IMPA2: variants seen among roughly 807,000 people sequenced by gnomAD.
The protein encoded by IMPA2 is inositol monophosphatase 2.
IMPA2 carries 32 observed loss-of-function variants against 35.1 expected under a neutral mutation model. The observed-to-expected ratio is 0.91, with a 90% CI of 0.69 to 1.23. The LOEUF is 1.23. Ranked by LOEUF, IMPA2 falls within the 50% of genes most tolerant of loss-of-function variation. The pLI, the probability that IMPA2 is intolerant of heterozygous loss-of-function variation, is 0.00. For synonymous variants in IMPA2, 135 were observed against 160.6 expected (o/e 0.84, Z 1.20); for missense variants, 334 against 387.6 (o/e 0.86, Z 1.16).
intron 7 of IMPA2, among the ~76,000 whole-genome samples, 160 bp from the exon 8 acceptor site, chr18:12,030,183 G>A (rs1351111292): frequency 2.0e-5 from 3 of 152,218 alleles, no homozygotes; most frequent in Non-Finnish European, 2.9e-5. Context: ...ATTCTTTGCC[G>A]AATTCACTCC....
intron 2 of IMPA2, among the ~76,000 whole-genome samples, chr18:12,003,901 T>C (rs1348865061): frequency 3.3e-5 from 5 of 152,246 alleles, no homozygotes; most frequent in African/African-American, 1.2e-4. Context: ...TTGTCCCTTC[T>C]GTGGAGCAGC....
At chr18:12,028,575 G>C (rs151104791) in intron 6 of IMPA2, 10 of 509,810 alleles carry the variant, frequency 2.0e-5, no homozygotes, top group Non-Finnish European at 3.5e-5. Flanking sequence ...AGTAGAGGAG[G>C]ATTCAATTCT....
At position 11,991,192 on chromosome 18, in the gene IMPA2, G is replaced by C. The variant is rs1177797290; in HGVS notation, c.97-7862G>C. Among the ~76,000 whole-genome samples the C allele has an allele frequency of 6.6e-6, 1 of 152,216 alleles. No individual in the cohort carries two copies. Among genetic ancestry groups the C allele is most frequent in the Non-Finnish European group, 1.5e-5 (1 of 68,042 alleles). On this transcript the variant is annotated intron_variant, in intron 1 of 7. Transcript: ENST00000269159. The surrounding 1 kb of genome is among the most constrained non-coding windows in gnomAD (Gnocchi z 4.1). ...CAGGGGCCACAGGCCACGGGCCCTG[G>C]AACACAGGGAATGCAGCTGGGATGT... is the stretch of plus-strand genomic sequence containing the variant.
At chr18:12,028,183 G>C in intron 6 of IMPA2, 32 bp downstream of exon 6, 2 of 1,379,162 alleles carry the variant, frequency 1.5e-6, no homozygotes, top group Non-Finnish European at 1.0e-6. Flanking sequence ...ACACCCTGCA[G>C]CCCGAGGAGG....
At chr18:12,029,069 T>C (rs1452417845) in intron 7 of IMPA2, 76 bp downstream of exon 7, 2 of 1,115,062 alleles carry the variant, frequency 1.8e-6, no homozygotes, top group Non-Finnish European at 2.5e-6. Context: ...CTTCCTGAAG[T>C]CCCCACCAAC....
At chr18:11,997,617 G>A (rs545396265) in intron 1 of IMPA2, among the ~76,000 whole-genome samples, 40 of 152,278 alleles carry the variant, frequency 2.6e-4, no homozygotes, top group African/African-American at 9.4e-4. Context: ...GAGTTTCGGG[G>A]GCTCCTGCCT....
At chr18:12,003,647 T>C (rs527843831) in intron 2 of IMPA2, among the ~76,000 whole-genome samples, 32 of 98,278 alleles carry the variant, frequency 3.3e-4, no homozygotes, top group Admixed American at 1.1e-3. Context: ...TGAGACTCCA[T>C]CTTAAAAAAA....
intron 5 of IMPA2, among the ~76,000 whole-genome samples, chr18:12,027,680 A>G (rs1010318816): frequency 2.0e-5 from 3 of 149,562 alleles, no homozygotes; most frequent in Admixed American, 6.7e-5. Flanking sequence ...GGCTCAACCA[A>G]TCCTCCCACC....
intron 5 of IMPA2, among the ~76,000 whole-genome samples, chr18:12,024,949 G>A (rs2143824764): frequency 6.6e-6 from 1 of 152,244 alleles, no homozygotes; most frequent in Admixed American, 6.5e-5. Flanking sequence ...GTTTTCATTA[G>A]GCTTCACTGT....
chr18:12,020,657 T>G (rs890044788), intron 5 of IMPA2, among the ~76,000 whole-genome samples: 5 of 150,472 alleles, frequency 3.3e-5, no homozygotes, highest in African/African-American at 1.2e-4. Flanking sequence ...CCAATTATCT[T>G]ATTTAAAAAA....
intron 5 of IMPA2, among the ~76,000 whole-genome samples, chr18:12,019,420 A>ATTT (rs1023606644): frequency 7.5e-6 from 1 of 133,098 alleles, no homozygotes; most frequent in Non-Finnish European, 1.6e-5. Context: ...TGTCCGGCTA[A>ATTT]TTTTTTTTTT....
chr18:11,987,385 C>A (rs1906696698), intron 1 of IMPA2, among the ~76,000 whole-genome samples: 1 of 152,196 alleles, frequency 6.6e-6, no homozygotes. Flanking sequence ...GGCTGGAGTG[C>A]AGTGGCGTGA....
At chr18:12,022,548 TATATATA>T (rs1353813179) in intron 5 of IMPA2, among the ~76,000 whole-genome samples, 1 of 143,594 alleles carries the variant, frequency 7.0e-6, no homozygotes, top group African/African-American at 2.5e-5. Flanking sequence ...TATATATATA[TATATATA>T]TTTGTGTGTG....
rs1906499315 is a variant in IMPA2 at position 11,981,622 on chromosome 18, G to A, written c.-48G>A. ...GGACGGCGGGATCCGGTGGGAGCCG[G>A]AGTCCCGCCGAGGGGGGCTGGAGGT... On this transcript the variant is annotated 5_prime_UTR_variant, in exon 1 of 8. Coordinates refer to ENST00000269159, the MANE Select transcript of IMPA2 (RefSeq NM_014214.3). The A allele has an allele frequency of 1.7e-6, 2 of 1,174,364 alleles. No homozygotes were observed. The highest frequency in any genetic ancestry group is 2.1e-6 in the Non-Finnish European group (2 of 936,888). 72.7% of individuals were successfully genotyped at this position (1,174,364 alleles called of 1,614,324 possible). A position where few individuals can be genotyped will look rare whatever the true frequency, so the allele number is the denominator to read the frequency against.
intron 1 of IMPA2, among the ~76,000 whole-genome samples, chr18:11,988,509 T>C (rs1906726850): frequency 6.6e-6 from 1 of 152,160 alleles, no homozygotes; most frequent in South Asian, 2.1e-4. Context: ...GGCTGCTGCA[T>C]GAGGTCCTTT....
At position 12,030,557 on chromosome 18, in the gene IMPA2, G is replaced by A. The variant is rs915816976; in HGVS notation, c.*99G>A. Reference sequence around the variant, plus strand: ...CCCACGCTCCATGCCAGTGGCTCACGCTCTGCTCCTGGCTACCCCAGAGGG... The same window carrying A: ...CCCACGCTCCATGCCAGTGGCTCACACTCTGCTCCTGGCTACCCCAGAGGG... On this transcript the variant is annotated 3_prime_UTR_variant, in exon 8 of 8. Coordinates refer to ENST00000269159, the MANE Select transcript of IMPA2 (RefSeq NM_014214.3). The A allele has an allele frequency of 9.2e-6, 8 of 871,964 alleles. No individual in the cohort carries two copies. The East Asian group carries it at 1.0e-4, about 11-fold the overall frequency. 54.0% of individuals were successfully genotyped at this position (871,964 alleles called of 1,614,324 possible).
intron 1 of IMPA2, among the ~76,000 whole-genome samples, chr18:11,984,019 CTGT>C (rs772769202): frequency 6.6e-6 from 1 of 152,184 alleles, no homozygotes; most frequent in Middle Eastern, 3.2e-3. Flanking sequence ...TTCTACCACT[CTGT>C]TGTTCGCTGC....
At position 12,030,740 on chromosome 18, in the gene IMPA2, G is replaced by A. The variant is rs991339571; in HGVS notation, c.*282G>A. ...AAAACTCAAATCTCCTGTGAAATAC[G>A]TATTGATAATCCAATCTTGATTTTT... is the stretch of plus-strand genomic sequence containing the variant. On this transcript the variant is annotated 3_prime_UTR_variant, in exon 8 of 8. Transcript: ENST00000269159. The A allele has an allele frequency of 7.7e-6, 3 of 387,238 alleles. No individual in the cohort carries two copies. The highest frequency in any genetic ancestry group is 1.4e-5 in the Non-Finnish European group (3 of 213,092). The allele number at this position is 387,238 out of a possible 1,614,324, so 24.0% of individuals were successfully genotyped here. A position where few individuals can be genotyped will look rare whatever the true frequency, so the allele number is the denominator to read the frequency against.
At chr18:11,993,823 C>T (rs1172349230) in intron 1 of IMPA2, among the ~76,000 whole-genome samples, 2 of 152,134 alleles carry the variant, frequency 1.3e-5, no homozygotes, top group Non-Finnish European at 2.9e-5. Flanking sequence ...GGAGGACACT[C>T]GAGGGGGCTT....
Sources: allele counts gnomAD v4.1 joint callset (sites outside exome capture counted in the v4.1 genomes callset), GRCh38; gene constraint gnomAD v4.1.1; non-coding constraint Gnocchi (gnomAD v3.1); transcripts MANE v1.5; gene names NCBI Gene and HGNC (gene_info 2026-07-23, HGNC 2026-07-21).